ARHGAP5: variants seen among roughly 807,000 people sequenced by gnomAD.
ARHGAP5 encodes Rho GTPase activating protein 5.
Under a neutral mutation model 116.6 loss-of-function variants are expected in ARHGAP5, and 23 were observed. The ratio of observed to expected loss-of-function variants is 0.20; its 90% CI spans 0.14 to 0.28. The LOEUF is 0.28. ARHGAP5 is among the 10% of genes least tolerant of loss of function. The pLI is 1.00. For missense variants in ARHGAP5, 1,405 were observed against 1,774.8 expected (o/e 0.79, Z 3.74); for synonymous variants, 574 against 602.0 (o/e 0.95, Z 0.68).
At chr14:32,087,844 CAAAT>C (rs1008298875) in intron 1 of ARHGAP5, among the ~76,000 whole-genome samples, 1 of 151,950 alleles carries the variant, frequency 6.6e-6, no homozygotes, top group Non-Finnish European at 1.5e-5. Context: ...TTGCCACTGT[CAAAT>C]TAATTAGGAT....
At chr14:32,127,798 C>T (rs1278439690) in intron 3 of ARHGAP5, among the ~76,000 whole-genome samples, 1 of 150,852 alleles carries the variant, frequency 6.6e-6, no homozygotes, top group African/African-American at 2.4e-5. Context: ...TGGAGGCGCC[C>T]CCCACCTCCC....
At position 32,084,690 on chromosome 14, in the gene ARHGAP5, A is replaced by C. The variant is rs142986765; in HGVS notation, c.-168-5812A>C. On this transcript the variant is annotated intron_variant, in intron 1 of 6. Transcript: ENST00000345122. ...TGGTTCTCTCTTCATTTGCCTGATT[A>C]TATTCTTGTTTCAAGACTAATTCAT... Among the ~76,000 whole-genome samples the C allele has an allele frequency of 4.9e-3, 742 of 152,288 alleles. 2 individuals are homozygous for C. The highest frequency in any genetic ancestry group is 8.0e-3 in the Non-Finnish European group (541 of 68,018).
chr14:32,152,318 T>A (rs1454043713), intron 5 of ARHGAP5, 105 bp from the exon 6 acceptor site: 1 of 800,364 alleles, frequency 1.2e-6, no homozygotes, highest in African/African-American at 1.8e-5. Context: ...CCTAATATGC[T>A]TTAAACACAT....
chr14:32,096,968 CTTGGCAGCACAACCTGA>C (rs1237427150), intron 2 of ARHGAP5, among the ~76,000 whole-genome samples: 1 of 152,136 alleles, frequency 6.6e-6, no homozygotes, highest in African/African-American at 2.4e-5. Context: ...GATTTAAGAA[CTTGGCAGCACAACCTGA>C]TTTGGCCTAT....
intron 2 of ARHGAP5, among the ~76,000 whole-genome samples, chr14:32,102,271 G>T (rs1395407098): frequency 6.6e-6 from 1 of 152,168 alleles, no homozygotes; most frequent in Non-Finnish European, 1.5e-5. Flanking sequence ...TTTTTTTCTA[G>T]ACCCTTCAAC....
At chr14:32,131,381 G>A (rs1880484545) in intron 3 of ARHGAP5, among the ~76,000 whole-genome samples, 1 of 150,600 alleles carries the variant, frequency 6.6e-6, no homozygotes, top group African/African-American at 2.4e-5. Context: ...CGTAAAATGT[G>A]TCATGTTAAC....
At chr14:32,135,226 G>T (rs1231795231) in intron 3 of ARHGAP5, among the ~76,000 whole-genome samples, 1 of 152,130 alleles carries the variant, frequency 6.6e-6, no homozygotes, top group Non-Finnish European at 1.5e-5. Context: ...GGCTTTTTTG[G>T]TTTAAATTAT....
chr14:32,129,394 A>G (rs1880359575), intron 3 of ARHGAP5, among the ~76,000 whole-genome samples: 1 of 152,318 alleles, frequency 6.6e-6, no homozygotes, highest in East Asian at 1.9e-4. Flanking sequence ...ACGCCCCACT[A>G]TGACAAATGA....
chr14:32,117,177 G>C lies in ARHGAP5; in HGVS notation c.3755G>C (p.Arg1252Pro). Residue 1252 changes from arginine to proline, a missense_variant, in exon 3 of 7, where the codon CGT (arginine) becomes CCT (proline). This residue lies in a region of ARHGAP5 where 176 missense variants were observed against 221.2 expected (regional missense o/e 0.80). Coordinates refer to ENST00000345122, the MANE Select transcript of ARHGAP5 (RefSeq NM_001030055.2). ...ACTAAGAACTTCAATCCACCAACAC[G>C]TAGAAATTGGGAAAGTAATTACTTT... ...KKTKNFNPPTRRNWESNYFGM... is the reference protein window; with the variant it reads ...KKTKNFNPPTPRNWESNYFGM... The C allele has an allele frequency of 1.9e-6, 3 of 1,611,210 alleles. No homozygotes were observed. The highest frequency in any genetic ancestry group is 2.5e-6 in the Non-Finnish European group (3 of 1,178,482).
chr14:32,134,548 TA>T (rs948192265), intron 3 of ARHGAP5, among the ~76,000 whole-genome samples: 2 of 152,188 alleles, frequency 1.3e-5, no homozygotes, highest in African/African-American at 4.8e-5. Context: ...AATGCATCAT[TA>T]AAAACAGCAT....
In ARHGAP5 at chr14:32,135,793, C is replaced by T. The variant is rs115763619; in HGVS notation, c.3866-10470C>T. Among the ~76,000 whole-genome samples the T allele has an allele frequency of 5.5e-3, 839 of 152,288 alleles. 7 individuals carry two copies. Among genetic ancestry groups the T allele is most frequent in the African/African-American group, 0.019 (793 of 41,562 alleles). On this transcript the variant is annotated intron_variant, in intron 3 of 6. Transcript: ENST00000345122. ...ATCTTTGAATTCTAATTCCAAATTTCCAGAAGAGATACTCTGATGAGTCCA... is the reference window on the plus strand; with the variant it reads ...ATCTTTGAATTCTAATTCCAAATTTTCAGAAGAGATACTCTGATGAGTCCA...
At chr14:32,130,417 T>C (rs112663726) in intron 3 of ARHGAP5, among the ~76,000 whole-genome samples, 3 of 151,578 alleles carry the variant, frequency 2.0e-5, no homozygotes, top group African/African-American at 7.3e-5. Context: ...GAGAAGGGGT[T>C]TCATCATGTT....
chr14:32,142,904 C>T (rs1022863647), intron 3 of ARHGAP5, among the ~76,000 whole-genome samples: 14 of 152,148 alleles, frequency 9.2e-5, no homozygotes, highest in Non-Finnish European at 2.1e-4. Flanking sequence ...ATTCTCTTAT[C>T]CACCACTTTT....
At chr14:32,147,847 A>G (rs1842398067) in intron 4 of ARHGAP5, among the ~76,000 whole-genome samples, 1 of 152,166 alleles carries the variant, frequency 6.6e-6, no homozygotes, top group South Asian at 2.1e-4. Context: ...CGTATAGTCT[A>G]GTATCCCATT....
chr14:32,083,521 C>T (rs2041798797), intron 1 of ARHGAP5, among the ~76,000 whole-genome samples: 1 of 152,172 alleles, frequency 6.6e-6, no homozygotes, highest in Admixed American at 6.5e-5. Context: ...TCTTTGAATT[C>T]CTGTTGCATT....
At chr14:32,118,036 A>G (rs1879694054) in intron 3 of ARHGAP5, among the ~76,000 whole-genome samples, 1 of 152,194 alleles carries the variant, frequency 6.6e-6, no homozygotes, top group Non-Finnish European at 1.5e-5. Context: ...CTTTGTTACT[A>G]ATGAACCCTT....
At position 32,091,373 on chromosome 14, in the gene ARHGAP5, T is replaced by C. The variant is rs763517057; in HGVS notation, c.704T>C (p.Ile235Thr). ...ACATCAGCACGATTTAATGTCAACA[T>C]TGAAACATGTTTTACTGCACTGGTA... is the stretch of plus-strand genomic sequence containing the variant. ...VETSARFNVN[I>T]ETCFTALVQM... The change falls in exon 2 of 7, where the codon ATT becomes ACT. Residue 235 changes from isoleucine (I) to threonine (T), a missense_variant. Transcript: ENST00000345122. The C allele has an allele frequency of 3.5e-5, 56 of 1,611,852 alleles. No homozygotes were observed. The highest frequency in any genetic ancestry group is 4.5e-5 in the Non-Finnish European group (53 of 1,179,216).
Position 32,152,523 on chromosome 14 carries a change from A to C in ARHGAP5, c.4176A>C (p.Leu1392=). ...TATTCAGATACGTGATAACACATCT[A>C]AACAGGTATTTTTATTTTTTTAGGG... ...YDVFRYVITH[L]NRVSQQHKIN... is the part of the protein sequence containing the mutation. The change falls in exon 6 of 7, where the codon CTA becomes CTC. Residue 1392 remains leucine, a synonymous_variant. Transcript: ENST00000345122. 1 of 1,538,866 alleles carries C rather than the reference A, an allele frequency of 6.5e-7. No homozygotes were observed. The highest frequency in any genetic ancestry group is 1.2e-5 in the South Asian group (1 of 80,406).
intron 2 of ARHGAP5, among the ~76,000 whole-genome samples, chr14:32,095,308 G>C (rs1036676532): frequency 6.0e-5 from 9 of 151,086 alleles, no homozygotes; most frequent in African/African-American, 2.2e-4. Context: ...GCCCATTATA[G>C]TTGAATAGAA....
Sources: allele counts gnomAD v4.1 joint callset (sites outside exome capture counted in the v4.1 genomes callset), GRCh38; gene constraint gnomAD v4.1.1; regional missense constraint gnomAD v4.1.1; transcripts MANE v1.5; gene names NCBI Gene and HGNC (gene_info 2026-07-23, HGNC 2026-07-21).